Variants in JAML observed in about 807,000 individuals in gnomAD.
JAML encodes junction adhesion molecule like, also known as junctional adhesion molecule-like.
In JAML, 25 loss-of-function variants were observed where a neutral mutation model predicts 39.3. The observed-to-expected ratio is 0.64, with a 90% CI of 0.46 to 0.89. JAML has a LOEUF of 0.89. JAML is among the 40% of genes least tolerant of loss of function. JAML has a pLI of 0.00. For missense variants in JAML, 440 were observed against 486.9 expected (o/e 0.90, Z 0.91); for synonymous variants, 162 against 179.2 (o/e 0.90, Z 0.77).
chr11:118,219,675 A>C (rs1478601333), intron 1 of JAML, among the ~76,000 whole-genome samples: 1 of 152,200 alleles, frequency 6.6e-6, no homozygotes, highest in East Asian at 1.9e-4. Context: ...CTTGGTAAAT[A>C]CATTTGCTGC....
chr11:118,220,000 G>C (rs1305801882), intron 1 of JAML, among the ~76,000 whole-genome samples: 1 of 152,228 alleles, frequency 6.6e-6, no homozygotes, highest in African/African-American at 2.4e-5. Flanking sequence ...TGAAGGCCAG[G>C]GGCTGAAGAG....
chr11:118,212,529 A>T lies in JAML; in HGVS notation c.76T>A (p.Ser26Thr), dbSNP rs1241345947. Residue 26 changes from serine (S) to threonine (T), a missense_variant, in exon 3 of 10, where the codon TCC (serine) becomes ACC (threonine). Ser to Thr is a moderately conservative substitution (Grantham distance 58). Coordinates refer to ENST00000356289, the MANE Select transcript of JAML (RefSeq NM_001098526.2). ...YSLGLNDLNV[S>T]PPELTVHVGD... is the part of the protein sequence containing the mutation. ...ACATGGACTGTTAGCTCAGGCGGGG[A>T]AACATTCAAGTCATTCAGGCCCAAG... 1 of 1,614,164 alleles carries T rather than the reference A, an allele frequency of 6.2e-7. No homozygotes were observed. Among genetic ancestry groups the T allele is most frequent in the East Asian group, 2.2e-5 (1 of 44,890 alleles).
rs896819938 is a variant in JAML at position 118,203,171 on chromosome 11, G to A, written c.772+257C>T. ...CTGGCAATGAGTGGGGTCTGGCAGAGGATTGGTATTCACTAAATTAGCTCC... is the reference window on the plus strand; with the variant it reads ...CTGGCAATGAGTGGGGTCTGGCAGAAGATTGGTATTCACTAAATTAGCTCC... On this transcript the variant is annotated intron_variant, in intron 6 of 9. Coordinates refer to ENST00000356289, the MANE Select transcript of JAML (RefSeq NM_001098526.2). 7.8e-5 allele frequency: 49 copies of A among 628,168 alleles called. No individual in the cohort carries two copies. In the Admixed American group the frequency reaches 1.0e-3, roughly 13 times the overall value. The allele number at this position is 628,168 out of a possible 1,614,324, so 38.9% of individuals were successfully genotyped here.
At chr11:118,202,879 C>A (rs1948837187) in intron 6 of JAML, 3 of 446,696 alleles carry the variant, frequency 6.7e-6, no homozygotes, top group East Asian at 7.0e-5. Flanking sequence ...TCTCTGTCAA[C>A]ACAATCAAGT....
intron 5 of JAML, 162 bp from the exon 6 acceptor site, chr11:118,203,827 A>G: frequency 3.1e-6 from 2 of 636,872 alleles, no homozygotes; most frequent in Non-Finnish European, 5.7e-6. Context: ...ATGTACACAC[A>G]CATGTGCATG....
At chr11:118,215,380 G>A (rs997170925) in intron 1 of JAML, among the ~76,000 whole-genome samples, 16 of 152,272 alleles carry the variant, frequency 1.1e-4, no homozygotes, top group African/African-American at 3.6e-4. Context: ...GGAGGAAGAG[G>A]TTGGGGGAGG....
intron 6 of JAML, 50 bp from the exon 7 acceptor site, chr11:118,200,662 G>A (rs373682700): frequency 1.2e-6 from 2 of 1,609,706 alleles, no homozygotes; most frequent in African/African-American, 2.7e-5. Flanking sequence ...TTAGCAAAGA[G>A]CTGAGAGCCC....
Position 118,211,498 on chromosome 11 carries a change from T to C in JAML, c.199-786A>G, listed in dbSNP as rs74908644. Among the ~76,000 whole-genome samples the C allele has an allele frequency of 1.6e-3, 239 of 152,290 alleles. 1 individual carries two copies. Among genetic ancestry groups the C allele is most frequent in the African/African-American group, 5.6e-3 (232 of 41,568 alleles). Reference sequence around the variant, plus strand: ...CTTGAGCTCAAGTGATCACCCCGCCTCAGCCTCCCAAAGTGCTGGGATTAC... The same window carrying C: ...CTTGAGCTCAAGTGATCACCCCGCCCCAGCCTCCCAAAGTGCTGGGATTAC... On this transcript the variant is annotated intron_variant, in intron 3 of 9. Transcript: ENST00000356289.
At chr11:118,211,628 A>G (rs1394032362) in intron 3 of JAML, among the ~76,000 whole-genome samples, 3 of 152,226 alleles carry the variant, frequency 2.0e-5, no homozygotes, top group African/African-American at 7.2e-5. Flanking sequence ...TGAGAGTAGC[A>G]TTATAGGGAC....
rs757991355 is a variant in JAML, at chr11:118,196,824, A to G, written c.1006-3T>C. On this transcript the variant is annotated splice_region_variant and splice_polypyrimidine_tract_variant and intron_variant, in intron 8 of 9. Transcript: ENST00000356289. ...ATTATTGGGGAGTAAATGTGTTTCT[A>G]GAGGGGGAAAATGGTACAAAAATTC... 6.2e-7 allele frequency: 1 copy of G among 1,604,050 alleles called. No individual in the cohort carries two copies. The highest frequency in any genetic ancestry group is 8.5e-7 in the Non-Finnish European group (1 of 1,170,906).
intron 1 of JAML, among the ~76,000 whole-genome samples, chr11:118,218,300 C>T (rs1949170022): frequency 6.6e-6 from 1 of 152,140 alleles, no homozygotes; most frequent in Non-Finnish European, 1.5e-5. Flanking sequence ...ACCATGTTGG[C>T]CAGGCTGGTC....
rs1317880644 is a variant in JAML, at chr11:118,214,897, A to T, written c.-20-11T>A. ...TCTCAACTTTCAAATCTTAAGATAAAAGAACAAAAATCACAAAATCATGTC... is the reference window on the plus strand; with the variant it reads ...TCTCAACTTTCAAATCTTAAGATAATAGAACAAAAATCACAAAATCATGTC... On this transcript the variant is annotated splice_polypyrimidine_tract_variant and intron_variant, in intron 1 of 9. Coordinates refer to ENST00000356289, the MANE Select transcript of JAML (RefSeq NM_001098526.2). 6.2e-7 allele frequency: 1 copy of T among 1,611,902 alleles called. No homozygotes were observed.
At chr11:118,214,723 A>T in intron 2 of JAML, 101 bp downstream of exon 2, 1 of 1,296,220 alleles carries the variant, frequency 7.7e-7, no homozygotes, top group Non-Finnish European at 1.1e-6. Flanking sequence ...TCCATCTTCA[A>T]CAAACCCAAG....
chr11:118,204,603 T>A (rs534945995), intron 5 of JAML: 1 of 152,296 alleles, frequency 6.6e-6, no homozygotes, highest in South Asian at 2.1e-4. Context: ...CCCCTACACA[T>A]ATGCAGGGTT....
chr11:118,196,942 A>G (rs1948670803), intron 8 of JAML, 121 bp from the exon 9 acceptor site: 1 of 723,728 alleles, frequency 1.4e-6, no homozygotes, highest in South Asian at 1.6e-5. Context: ...TCAGAGGGTT[A>G]CTGAGACCTA....
intron 7 of JAML, among the ~76,000 whole-genome samples, chr11:118,199,301 T>A (rs1384323273): frequency 6.6e-6 from 1 of 152,186 alleles, no homozygotes; most frequent in Non-Finnish European, 1.5e-5. Context: ...GAGAGTGGAA[T>A]CCAGGTTGTC....
Position 118,205,918 on chromosome 11 carries a change from G to C in JAML, c.498C>G (p.Thr166=), listed in dbSNP as rs760546447. The C allele has an allele frequency of 6.2e-7, 1 of 1,613,988 alleles. No individual in the cohort carries two copies. Among genetic ancestry groups the C allele is most frequent in the South Asian group, 1.1e-5 (1 of 91,068 alleles). Residue 166 remains threonine, a synonymous_variant, in exon 5 of 10, where the codon ACC becomes ACG. Coordinates refer to ENST00000356289, the MANE Select transcript of JAML (RefSeq NM_001098526.2). ...VFQSTEVKHV[T]KVEWIFSGRR... ...GTCCTGAAAATATCCATTCTACCTTGGTCACGTGTTTCACTTCTGTGCTCT... is the reference window on the plus strand; with the variant it reads ...GTCCTGAAAATATCCATTCTACCTTCGTCACGTGTTTCACTTCTGTGCTCT...
At chr11:118,210,735 A>T (rs1322727019) in intron 3 of JAML, 23 bp from the exon 4 acceptor site, 1 of 1,601,602 alleles carries the variant, frequency 6.2e-7, no homozygotes, top group Non-Finnish European at 8.6e-7. Flanking sequence ...ACAGTGTTGG[A>T]GACAATCAAA....
At chr11:118,204,001 C>A (rs764424338) in intron 5 of JAML, 1 of 289,122 alleles carries the variant, frequency 3.5e-6, no homozygotes, top group Non-Finnish European at 6.8e-6. Context: ...CCAATAGGAA[C>A]CTGAAACATG....
Sources: allele counts gnomAD v4.1 joint callset (sites outside exome capture counted in the v4.1 genomes callset), GRCh38; gene constraint gnomAD v4.1.1; transcripts MANE v1.5; gene names NCBI Gene and HGNC (gene_info 2026-07-23, HGNC 2026-07-21).